FAT3: variants seen among roughly 807,000 people sequenced by gnomAD.
FAT3 encodes the protein protocadherin Fat 3.
FAT3 carries 95 observed loss-of-function variants against 310.2 expected under a neutral mutation model. That is an observed-to-expected ratio of 0.31 (90% CI 0.26 to 0.36). The LOEUF is 0.36. FAT3 is among the 10% of genes least tolerant of loss of function. The pLI is 1.00. For synonymous variants in FAT3, 2,314 were observed against 2,192.9 expected (o/e 1.06, Z -1.54); for missense variants, 5,408 against 5,715.6 (o/e 0.95, Z 1.74).
intron 1 of FAT3, among the ~76,000 whole-genome samples, chr11:92,275,763 G>A (rs1009833891): frequency 7.9e-5 from 12 of 152,194 alleles, no homozygotes; most frequent in Admixed American, 2.0e-4. Context: ...ATGTTCATTT[G>A]GATGATAATG....
rs758777959 is a variant in FAT3 at position 92,801,411 on chromosome 11, G to A, written c.8398G>A (p.Val2800Ile). Reference sequence around the variant, plus strand: ...AGTAGACATTGTGTTTACTGTGGATGTAGATATCAAGGTATTGGATTTGAA... The same window carrying A: ...AGTAGACATTGTGTTTACTGTGGATATAGATATCAAGGTATTGGATTTGAA... ...DKVDIVFTVD[V>I]DIKVLDLNDN... is the part of the protein sequence containing the mutation. The change falls in exon 10 of 28, where the codon GTA (valine) becomes ATA (isoleucine). Residue 2800 changes from valine (V) to isoleucine (I), a missense_variant. By Grantham distance (29) the Val-to-Ile change is conservative. This residue lies in a region of FAT3 where 4,588 missense variants were observed against 4,809.8 expected (regional missense o/e 0.95). Coordinates refer to ENST00000525166, the MANE Select transcript of FAT3 (RefSeq NM_001367949.2). The A allele has an allele frequency of 7.4e-6, 12 of 1,613,924 alleles. No homozygotes were observed. Among genetic ancestry groups the A allele is most frequent in the Non-Finnish European group, 1.0e-5 (12 of 1,179,870 alleles).
intron 3 of FAT3, among the ~76,000 whole-genome samples, chr11:92,531,646 G>T (rs1022990573): frequency 1.3e-5 from 2 of 152,076 alleles, no homozygotes; most frequent in Non-Finnish European, 2.9e-5. Flanking sequence ...AGAACAGGTA[G>T]CGATGGTGTG....
chr11:92,865,250 G>A (rs1949212543), intron 21 of FAT3, among the ~76,000 whole-genome samples: 1 of 152,216 alleles, frequency 6.6e-6, no homozygotes, highest in Admixed American at 6.5e-5. Flanking sequence ...TGTCTGTACT[G>A]AAGCATAGAG....
chr11:92,844,129 C>T lies in FAT3; in HGVS notation c.10762C>T (p.Leu3588=). 1 of 1,613,992 alleles carries T rather than the reference C, an allele frequency of 6.2e-7. No individual in the cohort carries two copies. The change falls in exon 19 of 28, where the codon CTG becomes TTG. Residue 3588 remains leucine (L), a synonymous_variant. Transcript: ENST00000525166. ...CATGTATGATGTGCTCACATTTGCC[C>T]TGAAATCGGAGCAGAAAAGCTTATT... ...QDMYDVLTFA[L]KSEQKSLFKV... is the part of the protein sequence containing the mutation.
chr11:92,236,214 T>C (rs1285845298), intron 1 of FAT3, among the ~76,000 whole-genome samples: 2 of 152,222 alleles, frequency 1.3e-5, no homozygotes, highest in African/African-American at 4.8e-5. Context: ...CACTGGGGTA[T>C]GGGTCACTCC....
chr11:92,411,031 CAG>C (rs1021616652), intron 2 of FAT3, among the ~76,000 whole-genome samples: 8 of 132,318 alleles, frequency 6.0e-5, no homozygotes, highest in African/African-American at 1.4e-4. Context: ...GGCAAGGAAA[CAG>C]GGTAAAATGT....
At chr11:92,741,663 A>T (rs569469877) in intron 4 of FAT3, among the ~76,000 whole-genome samples, 1 of 152,298 alleles carries the variant, frequency 6.6e-6, no homozygotes, top group African/African-American at 2.4e-5. Flanking sequence ...TAAAATTTAC[A>T]TGTACTCCCT....
At chr11:92,693,584 A>G (rs564853890) in intron 3 of FAT3, among the ~76,000 whole-genome samples, 27 of 152,292 alleles carry the variant, frequency 1.8e-4, no homozygotes, top group Non-Finnish European at 2.9e-4. Context: ...TGGTCATTTT[A>G]ACTAATTCCT....
intron 1 of FAT3, among the ~76,000 whole-genome samples, chr11:92,236,209 G>A (rs535742442): frequency 1.9e-3 from 293 of 152,282 alleles, no homozygotes; most frequent in Non-Finnish European, 3.1e-3. Flanking sequence ...ATGCCCACTG[G>A]GGTATGGGTC....
At chr11:92,622,209 A>G (rs143796861) in intron 3 of FAT3, among the ~76,000 whole-genome samples, 31 of 152,052 alleles carry the variant, frequency 2.0e-4, no homozygotes, top group African/African-American at 7.5e-4. Context: ...GCTTGAATCT[A>G]GGAAATGAAG....
intron 2 of FAT3, among the ~76,000 whole-genome samples, chr11:92,405,232 G>T (rs1379850958): frequency 6.6e-6 from 1 of 152,038 alleles, no homozygotes; most frequent in Non-Finnish European, 1.5e-5. Context: ...GCTTCACTCT[G>T]ATCATGGAGG....
intron 3 of FAT3, among the ~76,000 whole-genome samples, chr11:92,677,080 G>A (rs950481232): frequency 5.9e-5 from 9 of 152,192 alleles, no homozygotes; most frequent in Admixed American, 4.6e-4. Context: ...CCTGTTACAG[G>A]CGAGATACTG....
At chr11:92,662,976 C>A (rs541792804) in intron 3 of FAT3, among the ~76,000 whole-genome samples, 34 of 152,322 alleles carry the variant, frequency 2.2e-4, no homozygotes, top group African/African-American at 7.9e-4. Context: ...CGGTTCCTCA[C>A]AGACTCCAGT....
chr11:92,620,639 C>T (rs984879486), intron 3 of FAT3, among the ~76,000 whole-genome samples: 17 of 151,664 alleles, frequency 1.1e-4, no homozygotes, highest in Admixed American at 8.5e-4. Flanking sequence ...CACACTTATT[C>T]TTCCATTATT....
chr11:92,453,307 G>A (rs1238219996), intron 2 of FAT3, among the ~76,000 whole-genome samples: 10 of 152,134 alleles, frequency 6.6e-5, no homozygotes, highest in Non-Finnish European at 1.3e-4. Context: ...TCAGTTAAAT[G>A]TTCATCATGT....
intron 2 of FAT3, among the ~76,000 whole-genome samples, chr11:92,358,801 C>T (rs1342287357): frequency 2.6e-5 from 4 of 151,960 alleles, no homozygotes; most frequent in Non-Finnish European, 5.9e-5. Flanking sequence ...TTTTTGCTTC[C>T]AAGTGCTAAA....
intron 2 of FAT3, among the ~76,000 whole-genome samples, chr11:92,418,000 A>G (rs1456490278): frequency 2.0e-5 from 3 of 152,148 alleles, no homozygotes; most frequent in African/African-American, 7.2e-5. Flanking sequence ...GAGGGGTAGC[A>G]GGGATGATTT....
chr11:92,841,381 T>G (rs144970924), intron 18 of FAT3, among the ~76,000 whole-genome samples: 52 of 152,358 alleles, frequency 3.4e-4, no homozygotes, highest in African/African-American at 1.2e-3. Context: ...TTCTATCCAC[T>G]GTTGCTTACA....
intron 25 of FAT3, 134 bp from the exon 26 acceptor site, chr11:92,889,055 G>T (rs1310128435): frequency 2.9e-5 from 15 of 519,844 alleles, no homozygotes; most frequent in Admixed American, 6.9e-5. Context: ...AGATTGTGGG[G>T]AGGCTTTGGG....
Sources: gnomAD v4.1 joint callset for allele counts (sites outside exome capture counted in the v4.1 genomes callset) on GRCh38, gnomAD v4.1.1 for gene constraint, gnomAD v4.1.1 regional missense constraint, MANE v1.5 for transcripts, NCBI Gene and HGNC (gene_info 2026-07-23, HGNC 2026-07-21) for gene names.